TNNC2: variants seen among roughly 807,000 people sequenced by gnomAD.
The protein encoded by TNNC2 is troponin C, skeletal muscle.
A neutral mutation model predicts 20.0 loss-of-function variants in TNNC2; 14 were observed. The ratio of observed to expected loss-of-function variants is 0.70; its 90% CI spans 0.46 to 1.09. TNNC2 has a LOEUF of 1.09. Ranked by LOEUF, TNNC2 falls within the 50% of genes least tolerant of loss-of-function variation. The probability of loss-of-function intolerance (pLI) is 0.00; values close to 1 mark genes in which losing one functional copy is unlikely to be tolerated. For synonymous variants in TNNC2, 81 were observed against 77.3 expected (o/e 1.05, Z -0.25); for missense variants, 163 against 223.8 (o/e 0.73, Z 1.73).
chr20:45,830,432 A>T (rs1601058629), upstream of TNNC2, among the ~76,000 whole-genome samples: 1 of 150,922 alleles, frequency 6.6e-6, no homozygotes, highest in East Asian at 2.0e-4. Flanking sequence ...AGAAACTCCC[A>T]TCTTTCCTCT....
chr20:45,827,377 C>G, upstream of TNNC2: 1 of 1,249,980 alleles, frequency 8.0e-7, no homozygotes, highest in Non-Finnish European at 1.1e-6. Context: ...CCCTGCTCCC[C>G]AGCACTGGAG....
chr20:45,826,139 T>G (rs6094214), intron 1 of TNNC2, among the ~76,000 whole-genome samples: 4,176 of 152,240 alleles, frequency 0.027, 176 homozygotes, highest in African/African-American at 0.096. Context: ...AGCACTATTT[T>G]CCAGTTTTCT....
In TNNC2 at chr20:45,824,696, A is replaced by ACC. The variant is rs144529565; in HGVS notation, c.56-60_56-59dup. On this transcript the variant is annotated intron_variant, in intron 2 of 5. Coordinates refer to ENST00000372555, the MANE Select transcript of TNNC2 (RefSeq NM_003279.3). ...CTGCTGGACTGTCAGCCTCACACCT[A>ACC]CCCCCCCCCAACCCCCACCCTGCCT... The ACC allele has an allele frequency of 6.3e-3, 8,668 of 1,377,382 alleles. 6 individuals are homozygous for ACC. The highest frequency in any genetic ancestry group is 0.014 in the East Asian group (552 of 39,198). The allele number at this position is 1,377,382 out of a possible 1,614,324, so 85.3% of individuals were successfully genotyped here.
At chr20:45,832,029 T>G (rs1252641887), upstream of TNNC2, among the ~76,000 whole-genome samples, 1 of 152,172 alleles carries the variant, frequency 6.6e-6, no homozygotes, top group African/African-American at 2.4e-5. Context: ...TTGTGCAAAC[T>G]GGCCAGGCAC....
intron 1 of TNNC2, among the ~76,000 whole-genome samples, chr20:45,825,358 C>G (rs1308678661): frequency 6.6e-6 from 1 of 152,092 alleles, no homozygotes; most frequent in African/African-American, 2.4e-5. Flanking sequence ...ATGGCGTGAT[C>G]TCGGCTCACT....
chr20:45,828,998 T>C (rs1186877011), upstream of TNNC2, among the ~76,000 whole-genome samples: 1 of 152,086 alleles, frequency 6.6e-6, no homozygotes, highest in African/African-American at 2.4e-5. Context: ...GTTTTGTTTT[T>C]GAGACAGACT....
intron 1 of TNNC2, among the ~76,000 whole-genome samples, chr20:45,825,107 C>T (rs1982934307): frequency 6.6e-6 from 1 of 152,016 alleles, no homozygotes; most frequent in Admixed American, 6.5e-5. Flanking sequence ...CTTCAGCCTC[C>T]TGAGTAGCTG....
chr20:45,829,188 G>T (rs1442014639), upstream of TNNC2, among the ~76,000 whole-genome samples: 1 of 124,128 alleles, frequency 8.1e-6, no homozygotes, highest in Non-Finnish European at 1.6e-5. Flanking sequence ...TTTTGAGACA[G>T]AGTTTTGCTC....
chr20:45,824,695 T>TA (rs1982915844), intron 2 of TNNC2, 57 bp from the exon 3 acceptor site: 3 of 1,537,444 alleles, frequency 2.0e-6, no homozygotes, highest in Admixed American at 1.9e-5. Flanking sequence ...GCCTCACACC[T>TA]ACCCCCCCCC....
Position 45,824,027 on chromosome 20 carries a change from C to T in TNNC2, c.415G>A (p.Gly139Ser), listed in dbSNP as rs139378430. 52 of 1,614,018 alleles carry T rather than the reference C, an allele frequency of 3.2e-5. No homozygotes were observed. Among genetic ancestry groups the T allele is most frequent in the Non-Finnish European group, 3.8e-5 (45 of 1,180,004 alleles). Residue 139 changes from glycine to serine, a missense_variant, in exon 5 of 6, where the codon GGC becomes AGC. Transcript: ENST00000372555. ...ATGCGGCCGTCGTTGTTCTTGTCGC[C>T]GTCTTTCATCAGAGATTCGATCTCC... Reference protein sequence around the residue: ...DEEIESLMKDGDKNNDGRIDF... With the variant: ...DEEIESLMKDSDKNNDGRIDF...
rs767061349 is a variant in TNNC2, at chr20:45,824,618, T to A, written c.76A>T (p.Met26Leu). 6.2e-7 allele frequency: 1 copy of A among 1,610,420 alleles called. No homozygotes were observed. The highest frequency in any genetic ancestry group is 1.7e-5 in the Admixed American group (1 of 60,004). ...MIAEFKAAFD[M>L]FDADGGGDIS... Reference sequence around the variant, plus strand: ...TCCCCACCACCATCAGCATCAAACATGTCAAAGGCAGCCTTGAACTCTGCG... The same window carrying A: ...TCCCCACCACCATCAGCATCAAACAAGTCAAAGGCAGCCTTGAACTCTGCG... The change falls in exon 3 of 6, where the codon ATG becomes TTG. Residue 26 changes from methionine (M) to leucine (L), a missense_variant. Met to Leu is a conservative substitution (Grantham distance 15). Transcript: ENST00000372555.
Position 45,823,934 on chromosome 20 carries a change from T to G in TNNC2, c.451+57A>C. 6.2e-7 allele frequency: 1 copy of G among 1,608,802 alleles called. No individual in the cohort carries two copies. Among genetic ancestry groups the G allele is most frequent in the Non-Finnish European group, 8.5e-7 (1 of 1,176,756 alleles). On this transcript the variant is annotated intron_variant, in intron 5 of 5. Transcript: ENST00000372555. The surrounding 1 kb of genome is among the most constrained non-coding windows in gnomAD (Gnocchi z 4.6). ...ACACTGCACCGGAGCCAGGCACCAGTGCCCGCCGTCCTCTGGGGCTCCCAC... is the reference window on the plus strand; with the variant it reads ...ACACTGCACCGGAGCCAGGCACCAGGGCCCGCCGTCCTCTGGGGCTCCCAC...
intron 1 of TNNC2, among the ~76,000 whole-genome samples, chr20:45,825,575 A>T (rs1415479396): frequency 6.6e-6 from 1 of 151,954 alleles, no homozygotes; most frequent in Admixed American, 6.6e-5. Context: ...TACAGGCGTG[A>T]GCCACCATGC....
intron 4 of TNNC2, 82 bp downstream of exon 4, chr20:45,824,210 C>G: frequency 6.2e-7 from 1 of 1,600,324 alleles, no homozygotes; most frequent in Non-Finnish European, 8.5e-7. Context: ...CTTCCGCACT[C>G]CCAACACGGG....
In TNNC2 at chr20:45,824,786, C is replaced by T. The variant is rs760239020; in HGVS notation, c.52G>A (p.Ala18Thr). The T allele has an allele frequency of 1.4e-5, 22 of 1,612,922 alleles. No individual in the cohort carries two copies. Among genetic ancestry groups the T allele is most frequent in the Non-Finnish European group, 7.6e-6 (9 of 1,179,946 alleles). The change falls in exon 2 of 6, where the codon GCT (alanine) becomes ACT (threonine). Residue 18 changes from alanine to threonine, a missense_variant. Physicochemically the swap from Ala to Thr is moderately conservative, Grantham distance 58. Transcript: ENST00000372555. ...ARSYLSEEMI[A>T]EFKAAFDMFD... Reference sequence around the variant, plus strand: ...CAGCCTGCCGCGCCTCACTCACCAGCGATCATCTCTTCGCTGAGGTAGGAC... The same window carrying T: ...CAGCCTGCCGCGCCTCACTCACCAGTGATCATCTCTTCGCTGAGGTAGGAC...
intron 2 of TNNC2, among the ~76,000 whole-genome samples, chr20:45,833,011 G>A (rs1192619723): frequency 6.6e-6 from 1 of 152,168 alleles, no homozygotes; most frequent in Non-Finnish European, 1.5e-5. Flanking sequence ...GTGTGGTGGC[G>A]AACGCCTCTA....
At chr20:45,827,486 G>C (rs1983003595), upstream of TNNC2, 5 of 579,598 alleles carry the variant, frequency 8.6e-6, no homozygotes, top group East Asian at 1.4e-4. Flanking sequence ...AGAAATTTAA[G>C]CCTCCAAGCA....
At position 45,823,433 on chromosome 20, in the gene TNNC2, A is replaced by C; in HGVS notation, c.452-54T>G. On this transcript the variant is annotated intron_variant, in intron 5 of 5. Coordinates refer to ENST00000372555, the MANE Select transcript of TNNC2 (RefSeq NM_003279.3). The surrounding 1 kb of genome is among the most constrained non-coding windows in gnomAD (Gnocchi z 4.6). ...GGGTCCCACTGGGGACGCAGAGGCC[A>C]GGCCAGGGCTCCAGCCACACAGAGG... is the stretch of plus-strand genomic sequence containing the variant. 6.5e-7 allele frequency: 1 copy of C among 1,537,678 alleles called. No individual in the cohort carries two copies. The highest frequency in any genetic ancestry group is 2.0e-5 in the Admixed American group (1 of 50,306).
chr20:45,823,351 C>T lies in TNNC2; in HGVS notation c.480G>A (p.Gln160=). 1 of 1,589,736 alleles carries T rather than the reference C, an allele frequency of 6.3e-7. No homozygotes were observed. Among genetic ancestry groups the T allele is most frequent in the East Asian group, 2.3e-5 (1 of 44,082 alleles). ...GGTAGAGGCGACTGTCCACTCCTTA[C>T]TGCACGCCCTCCATCATCTTCAGGA... ...DEFLKMMEGV[Q] is the part of the protein sequence containing the mutation. The change falls in exon 6 of 6, where the codon CAG becomes CAA. Residue 160 remains glutamine (Q), a synonymous_variant. Transcript: ENST00000372555. This position sits in a 1 kb window ranked among gnomAD's most constrained non-coding sequence, Gnocchi z 4.6.
Sources: allele counts gnomAD v4.1 joint callset (sites outside exome capture counted in the v4.1 genomes callset), GRCh38; gene constraint gnomAD v4.1.1; non-coding constraint Gnocchi (gnomAD v3.1); transcripts MANE v1.5; gene names NCBI Gene and HGNC (gene_info 2026-07-23, HGNC 2026-07-21).